The following PRKG1 variants were observed in gnomAD, a reference collection of about 807,000 sequenced individuals.
The protein encoded by PRKG1 is protein kinase cGMP-dependent 1.
A neutral mutation model predicts 88.1 loss-of-function variants in PRKG1; 35 were observed. The observed-to-expected ratio is 0.40, with a 90% CI of 0.30 to 0.53. PRKG1 has a LOEUF of 0.53. Among genes scored for constraint, PRKG1 ranks in the 20% least tolerant of loss-of-function variants. The pLI is 0.59. For synonymous variants in PRKG1, 303 were observed against 292.5 expected (o/e 1.04, Z -0.37); for missense variants, 540 against 839.8 (o/e 0.64, Z 4.41).
chr10:52,266,963 C>T (rs2339982), intron 10 of PRKG1, among the ~76,000 whole-genome samples: 4,474 of 152,054 alleles, frequency 0.029, 290 homozygotes, highest in East Asian at 0.23. Context: ...AAAATATGCA[C>T]TCCTGTTCTC....
chr10:51,835,192 C>G (rs1296732809), intron 4 of PRKG1, among the ~76,000 whole-genome samples: 1 of 152,150 alleles, frequency 6.6e-6, no homozygotes, highest in Non-Finnish European at 1.5e-5. Flanking sequence ...CAATAGCTTC[C>G]GAAGTCTCTG....
At chr10:52,213,594 G>A (rs765646094) in intron 9 of PRKG1, among the ~76,000 whole-genome samples, 9 of 152,196 alleles carry the variant, frequency 5.9e-5, no homozygotes, top group Non-Finnish European at 8.8e-5. Context: ...TATCTCACTG[G>A]ACTTGTGGGG....
At position 51,104,959 on chromosome 10, in the gene PRKG1, C is replaced by G. The variant is rs559824964; in HGVS notation, c.311+30058C>G. On this transcript the variant is annotated intron_variant, in intron 1 of 17. Coordinates refer to ENST00000373980, the MANE Select transcript of PRKG1 (RefSeq NM_006258.4). ...TAGGTCAGGCTAGTCTCGAACTCCTCACCTCAAGTGATCACCCACCCCAGC... is the reference window on the plus strand; with the variant it reads ...TAGGTCAGGCTAGTCTCGAACTCCTGACCTCAAGTGATCACCCACCCCAGC... 4.7e-4 allele frequency among the ~76,000 whole-genome samples: 71 copies of G among 152,024 alleles called. No individual in the cohort carries two copies. The South Asian group carries it at 0.015, about 32-fold the overall frequency.
At chr10:51,105,544 G>A (rs1490750132) in intron 1 of PRKG1, among the ~76,000 whole-genome samples, 1 of 152,192 alleles carries the variant, frequency 6.6e-6, no homozygotes, top group Non-Finnish European at 1.5e-5. Context: ...ACAATATTGA[G>A]TAGTAGTTAT....
chr10:51,214,315 C>T (rs1348015538), intron 2 of PRKG1, among the ~76,000 whole-genome samples: 3 of 152,102 alleles, frequency 2.0e-5, no homozygotes, highest in African/African-American at 7.2e-5. Flanking sequence ...GAAGTTTGTC[C>T]CTTCAATGAT....
intron 7 of PRKG1, among the ~76,000 whole-genome samples, chr10:52,072,158 CTTTTTTTTTTTT>C (rs60576406): frequency 1.8e-3 from 71 of 39,566 alleles, no homozygotes; most frequent in Middle Eastern, 0.029. Flanking sequence ...TATTGTTTTG[CTTTTTTTTTTTT>C]TTTTTTTTTT....
intron 1 of PRKG1, among the ~76,000 whole-genome samples, chr10:51,030,980 G>T (rs1229465674): frequency 6.6e-6 from 1 of 152,100 alleles, no homozygotes; most frequent in African/African-American, 2.4e-5. Context: ...GGTCCCATTT[G>T]ATTCACTGAT....
chr10:51,374,952 G>T (rs1842787683), intron 2 of PRKG1, among the ~76,000 whole-genome samples: 2 of 152,130 alleles, frequency 1.3e-5, no homozygotes, highest in African/African-American at 4.8e-5. Flanking sequence ...CCATATGGCA[G>T]TTTACTTCAT....
At chr10:52,250,674 G>A (rs946436634) in intron 9 of PRKG1, among the ~76,000 whole-genome samples, 2 of 152,146 alleles carry the variant, frequency 1.3e-5, no homozygotes, top group Non-Finnish European at 2.9e-5. Context: ...CTGACCTGAC[G>A]TTAGTGAGTG....
chr10:52,190,790 C>T (rs1839342175), intron 9 of PRKG1, among the ~76,000 whole-genome samples: 2 of 152,052 alleles, frequency 1.3e-5, no homozygotes, highest in Non-Finnish European at 2.9e-5. Flanking sequence ...CAATGGACCC[C>T]TTCCCTTAAG....
chr10:52,230,737 G>A (rs961075617), intron 9 of PRKG1: 28 of 152,240 alleles, frequency 1.8e-4, no homozygotes, highest in African/African-American at 6.0e-4. Context: ...ATTTTGGTCA[G>A]AGATGGGGAG....
At chr10:51,194,561 G>A (rs1186457567) in intron 2 of PRKG1, among the ~76,000 whole-genome samples, 1 of 152,006 alleles carries the variant, frequency 6.6e-6, no homozygotes, top group Admixed American at 6.6e-5. Flanking sequence ...GTAGAAATGA[G>A]TTTCAACAGT....
chr10:51,777,214 A>G (rs1160339250), intron 3 of PRKG1, among the ~76,000 whole-genome samples: 1 of 152,164 alleles, frequency 6.6e-6, no homozygotes, highest in African/African-American at 2.4e-5. Flanking sequence ...GGTGATTTAC[A>G]GAAATAATCT....
intron 1 of PRKG1, among the ~76,000 whole-genome samples, chr10:51,028,044 T>A (rs771330243): frequency 5.9e-5 from 9 of 152,168 alleles, no homozygotes; most frequent in Admixed American, 2.6e-4. Context: ...AAGTGAAAGA[T>A]CTTTTTTCTT....
At chr10:51,908,367 C>T (rs192621885) in intron 5 of PRKG1, 2 of 152,126 alleles carry the variant, frequency 1.3e-5, no homozygotes, top group South Asian at 2.1e-4. Context: ...AAATGTCATA[C>T]AGGAATAGTG....
intron 3 of PRKG1, among the ~76,000 whole-genome samples, chr10:51,732,990 G>C (rs1017802351): frequency 3.2e-4 from 49 of 152,140 alleles, no homozygotes; most frequent in African/African-American, 1.2e-3. Flanking sequence ...TTTGCAGACA[G>C]CCACCCTTTG....
chr10:51,288,169 T>C (rs1840491157), intron 2 of PRKG1, among the ~76,000 whole-genome samples: 1 of 152,008 alleles, frequency 6.6e-6, no homozygotes, highest in South Asian at 2.1e-4. Context: ...TACTTTAAGT[T>C]TTAGGGTACA....
chr10:51,703,406 A>G (rs780154851), intron 3 of PRKG1, among the ~76,000 whole-genome samples: 1 of 152,188 alleles, frequency 6.6e-6, no homozygotes, highest in Non-Finnish European at 1.5e-5. Flanking sequence ...AAAGCTTTCT[A>G]TGACCTTTCT....
chr10:51,516,945 A>C (rs1330982182), intron 3 of PRKG1, among the ~76,000 whole-genome samples: 5 of 152,162 alleles, frequency 3.3e-5, no homozygotes, highest in Non-Finnish European at 7.4e-5. Flanking sequence ...TATTGAAGAA[A>C]ATTAAGGAAC....
Sources: gnomAD v4.1 joint callset for allele counts (sites outside exome capture counted in the v4.1 genomes callset) on GRCh38, gnomAD v4.1.1 for gene constraint, MANE v1.5 for transcripts, NCBI Gene and HGNC (gene_info 2026-07-23, HGNC 2026-07-21) for gene names.